Variants in ADGRB3 observed in about 807,000 individuals in gnomAD.
ADGRB3 encodes brain-specific angiogenesis inhibitor 3.
Under a neutral mutation model 193.4 loss-of-function variants are expected in ADGRB3, and 37 were observed. That is an observed-to-expected ratio of 0.19 (90% CI 0.15 to 0.25). The LOEUF is 0.25. ADGRB3 is among the 10% of genes least tolerant of loss of function. The pLI is 1.00. For missense variants in ADGRB3, 1,637 were observed against 1,852.9 expected, an observed-to-expected ratio of 0.88 and a Z score of 2.14; for synonymous variants, 690 against 644.2, an observed-to-expected ratio of 1.07 and a Z score of -1.08.
intron 17 of ADGRB3, among the ~76,000 whole-genome samples, chr6:69,128,033 G>T (rs1401089634): frequency 6.6e-6 from 1 of 152,024 alleles, no homozygotes; most frequent in Non-Finnish European, 1.5e-5. Context: ...GAGTCAGTAT[G>T]ATATGTTCAC....
chr6:69,331,508 GAT>G, intron 23 of ADGRB3: 1 of 984,542 alleles, frequency 1.0e-6, no homozygotes, highest in African/African-American at 1.7e-5. Flanking sequence ...TACTAATTCT[GAT>G]ATGTCTGTTT....
intron 3 of ADGRB3, among the ~76,000 whole-genome samples, chr6:68,864,885 T>C (rs1343689646): frequency 8.5e-6 from 1 of 117,314 alleles, no homozygotes; most frequent in Non-Finnish European, 2.0e-5. Flanking sequence ...GCAAGTAGTA[T>C]CTGAATAGAT....
chr6:68,867,992 TG>T (rs1339271910), intron 3 of ADGRB3, among the ~76,000 whole-genome samples: 1 of 152,156 alleles, frequency 6.6e-6, no homozygotes, highest in Non-Finnish European at 1.5e-5. Flanking sequence ...TTTGGACTTT[TG>T]GGTTAATGCT....
intron 17 of ADGRB3, among the ~76,000 whole-genome samples, chr6:69,106,884 G>T (rs1773229685): frequency 6.6e-6 from 1 of 152,170 alleles, no homozygotes; most frequent in Non-Finnish European, 1.5e-5. Context: ...GCATCACGGT[G>T]TAATTCCTGA....
chr6:68,652,245 G>T (rs143589384), intron 3 of ADGRB3, among the ~76,000 whole-genome samples: 134 of 152,218 alleles, frequency 8.8e-4, no homozygotes, highest in African/African-American at 3.0e-3. Flanking sequence ...TCTCCTGCCA[G>T]GACTCAGTGT....
At chr6:68,886,754 A>T (rs1765919085) in intron 3 of ADGRB3, among the ~76,000 whole-genome samples, 1 of 152,008 alleles carries the variant, frequency 6.6e-6, no homozygotes, top group Non-Finnish European at 1.5e-5. Context: ...CTCTCAGCTT[A>T]TTTTCTCTGT....
chr6:68,769,775 G>C, intron 3 of ADGRB3, among the ~76,000 whole-genome samples: 1 of 151,884 alleles, frequency 6.6e-6, no homozygotes, highest in East Asian at 1.9e-4. Context: ...CTTCCTAAAC[G>C]AAGTTCTGAG....
intron 3 of ADGRB3, among the ~76,000 whole-genome samples, chr6:68,789,182 T>G (rs918769223): frequency 1.3e-5 from 2 of 152,132 alleles, no homozygotes; most frequent in African/African-American, 2.4e-5. Flanking sequence ...TATGTGTGAA[T>G]TTGATCCTGT....
intron 17 of ADGRB3, among the ~76,000 whole-genome samples, chr6:69,101,446 G>GTGTGTGTGTGTC (rs1219139438): frequency 2.6e-4 from 40 of 151,818 alleles, no homozygotes; most frequent in African/African-American, 8.9e-4. Flanking sequence ...GTGTGTGTGT[G>GTGTGTGTGTGTC]TGTGTGTGTG....
At chr6:69,221,540 A>C (rs1337512943) in intron 17 of ADGRB3, among the ~76,000 whole-genome samples, 3 of 150,548 alleles carry the variant, frequency 2.0e-5, no homozygotes, top group Non-Finnish European at 4.4e-5. Context: ...TTGTCAACTG[A>C]AGCAGCTACT....
chr6:69,161,565 A>G (rs1210304968), intron 17 of ADGRB3, among the ~76,000 whole-genome samples: 2 of 152,104 alleles, frequency 1.3e-5, no homozygotes, highest in Non-Finnish European at 2.9e-5. Context: ...AGGTATATCC[A>G]TTATCTATGG....
In ADGRB3 at chr6:69,330,582, A is replaced by C. The variant is rs993896125; in HGVS notation, c.3102+10A>C. The C allele has an allele frequency of 6.2e-7, 1 of 1,600,060 alleles. No individual in the cohort carries two copies. Among genetic ancestry groups the C allele is most frequent in the African/African-American group, 1.3e-5 (1 of 74,396 alleles). The stretch of plus-strand genomic sequence containing the variant: ...AGCCGCTGTTGTCCTGGTAAACATC[A>C]AAATCAACCTATTTTGTTTTCTTAG... On this transcript the variant is annotated intron_variant, in intron 23 of 31. Coordinates refer to ENST00000370598, the MANE Select transcript of ADGRB3 (RefSeq NM_001704.3).
Position 69,110,727 on chromosome 6 carries a change from C to T in ADGRB3, c.2480+34689C>T, listed in dbSNP as rs193166536. ...CATCAGAAGCGGTGAAGTATAAACA[C>T]GTAGCACATAATATTTTGGCTGTTG... On this transcript the variant is annotated intron_variant, in intron 17 of 31. Coordinates refer to ENST00000370598, the MANE Select transcript of ADGRB3 (RefSeq NM_001704.3). 8.5e-5 allele frequency among the ~76,000 whole-genome samples: 13 copies of T among 152,294 alleles called. No homozygotes were observed. In the East Asian group the frequency reaches 2.1e-3, roughly 25 times the overall value.
At chr6:69,255,325 C>T (rs1766735641) in intron 20 of ADGRB3, among the ~76,000 whole-genome samples, 1 of 152,284 alleles carries the variant, frequency 6.6e-6, no homozygotes, top group East Asian at 1.9e-4. Context: ...GTCCCACCAA[C>T]AGTGTAAAAG....
intron 23 of ADGRB3, chr6:69,332,033 G>C (rs1435118896): frequency 3.5e-5 from 34 of 985,184 alleles, no homozygotes; most frequent in Non-Finnish European, 4.1e-5. Flanking sequence ...TGGCAGCAGG[G>C]CAGGGTTACA....
chr6:69,137,867 C>T (rs1028158353), intron 17 of ADGRB3, among the ~76,000 whole-genome samples: 2 of 152,174 alleles, frequency 1.3e-5, no homozygotes, highest in African/African-American at 4.8e-5. Flanking sequence ...CCTTTCTCTG[C>T]CTCATGTTAA....
At chr6:68,988,677 A>G (rs955433067) in intron 10 of ADGRB3, among the ~76,000 whole-genome samples, 3 of 152,132 alleles carry the variant, frequency 2.0e-5, no homozygotes, top group Non-Finnish European at 2.9e-5. Flanking sequence ...GGAGTGTTAG[A>G]TCATACATAA....
At chr6:68,963,543 T>C (rs1311973410) in intron 8 of ADGRB3, among the ~76,000 whole-genome samples, 1 of 152,166 alleles carries the variant, frequency 6.6e-6, no homozygotes, top group Non-Finnish European at 1.5e-5. Flanking sequence ...TACTCATTTA[T>C]GATATATATT....
chr6:68,653,202 A>G (rs1365733923), intron 3 of ADGRB3, among the ~76,000 whole-genome samples: 6 of 152,144 alleles, frequency 3.9e-5, no homozygotes, highest in Admixed American at 1.3e-4. Flanking sequence ...AAATGAGAAG[A>G]GCCTCTGCTC....
Sources: allele counts gnomAD v4.1 joint callset (sites outside exome capture counted in the v4.1 genomes callset), GRCh38; gene constraint gnomAD v4.1.1; transcripts MANE v1.5; gene names NCBI Gene and HGNC (gene_info 2026-07-23, HGNC 2026-07-21).